Variants in GANC observed in about 807,000 individuals in gnomAD.
GANC encodes glucosidase alpha, neutral C.
GANC carries 117 observed loss-of-function variants against 124.2 expected under a neutral mutation model. That is an observed-to-expected ratio of 0.94 (90% CI 0.81 to 1.10). The LOEUF (loss-of-function observed/expected upper bound fraction) is 1.10. Ranked by LOEUF, GANC falls within the 50% of genes least tolerant of loss-of-function variation. The pLI is 0.00. For synonymous variants in GANC, 377 were observed against 376.8 expected (o/e 1.00, Z -0.01); for missense variants, 1,140 against 1,095.0 (o/e 1.04, Z -0.58).
intron 10 of GANC, among the ~76,000 whole-genome samples, chr15:42,312,029 A>G (rs1349450403): frequency 6.6e-6 from 1 of 152,218 alleles, no homozygotes; most frequent in Non-Finnish European, 1.5e-5. Context: ...AAATTAAAGA[A>G]TGCCTAAATA....
intron 13 of GANC, among the ~76,000 whole-genome samples, chr15:42,327,700 G>T (rs1474875672): frequency 6.6e-6 from 1 of 152,028 alleles, no homozygotes. Flanking sequence ...CTTTATAGCA[G>T]AGGTTTATTA....
rs138276101 is a variant in GANC, at chr15:42,282,702, T to G, written c.201+4112T>G. Among the ~76,000 whole-genome samples, 204 of 152,322 alleles carry G rather than the reference T, an allele frequency of 1.3e-3. 1 individual carries two copies. Among genetic ancestry groups the G allele is most frequent in the Middle Eastern group, 6.8e-3 (2 of 294 alleles). ...TCAATTCCCTTCCCCAATCTGCTCC[T>G]TAATAAACAACCAGGAAGCAGAACC... is the stretch of plus-strand genomic sequence containing the variant. On this transcript the variant is annotated intron_variant, in intron 3 of 23. Transcript: ENST00000318010.
chr15:42,278,399 A>G lies in GANC; in HGVS notation c.93-83A>G, dbSNP rs117401044. ...TCACTGAATATCATAGTGAATTTTA[A>G]TGACTTCCACATGATAATATAGTCT... On this transcript the variant is annotated intron_variant, in intron 2 of 23. Transcript: ENST00000318010. 5,409 of 893,432 alleles carry G rather than the reference A, an allele frequency of 6.1e-3. 21 individuals are homozygous for G. Among genetic ancestry groups the G allele is most frequent in the Non-Finnish European group, 7.9e-3 (4,483 of 570,760 alleles). 55.3% of individuals were successfully genotyped at this position (893,432 alleles called of 1,614,324 possible).
Position 42,329,422 on chromosome 15 carries a change from G to A in GANC, c.1617G>A (p.Glu539=). ...ATCATGGCAATTGGGAGCACAGAGA[G>A]CTCCACAACATCTACGGTTTTTATC... ...AIHHGNWEHR[E]LHNIYGFYHQ... The change falls in exon 14 of 24, where the codon GAG becomes GAA. Residue 539 remains glutamate (E), a synonymous_variant. Transcript: ENST00000318010. 6.2e-7 allele frequency: 1 copy of A among 1,612,916 alleles called. No homozygotes were observed. The highest frequency in any genetic ancestry group is 8.5e-7 in the Non-Finnish European group (1 of 1,179,644).
intron 6 of GANC, among the ~76,000 whole-genome samples, chr15:42,302,033 C>G (rs776998091): frequency 6.6e-6 from 1 of 152,206 alleles, no homozygotes; most frequent in South Asian, 2.1e-4. Flanking sequence ...CAAGTGGGTC[C>G]CTGACCCCCA....
At position 42,343,126 on chromosome 15, in the gene GANC, T is replaced by C. The variant is rs758902087; in HGVS notation, c.2201T>C (p.Val734Ala). 6.2e-6 allele frequency: 10 copies of C among 1,614,142 alleles called. No individual in the cohort carries two copies. Among genetic ancestry groups the C allele is most frequent in the Non-Finnish European group, 8.5e-6 (10 of 1,179,972 alleles). The change falls in exon 19 of 24, where the codon GTT (valine) becomes GCT (alanine). Residue 734 changes from valine (V) to alanine (A), a missense_variant. Val to Ala is a moderately conservative substitution (Grantham distance 64). Transcript: ENST00000318010. ...GTCACAGAACCAAAAGCCACCACAG[T>C]TGATGTGTTTCTTCCAGGATCAAAT... ...HPVTEPKATT[V>A]DVFLPGSNEV...
At chr15:42,284,773 G>A (rs1164933425) in intron 3 of GANC, among the ~76,000 whole-genome samples, 2 of 152,154 alleles carry the variant, frequency 1.3e-5, no homozygotes, top group African/African-American at 4.8e-5. Flanking sequence ...CCACTGAGTA[G>A]CTGGGGCTAT....
intron 10 of GANC, among the ~76,000 whole-genome samples, chr15:42,311,380 A>G (rs1313963973): frequency 6.6e-6 from 1 of 152,228 alleles, no homozygotes; most frequent in Non-Finnish European, 1.5e-5. Context: ...ATATGATCCT[A>G]TATATAGAAA....
intron 3 of GANC, chr15:42,281,002 G>T (rs766434014): frequency 1.4e-6 from 1 of 702,506 alleles, no homozygotes; most frequent in South Asian, 1.5e-5. Flanking sequence ...CAGGATCTCA[G>T]CACAAGACAG....
rs770900021 is a variant in GANC, at chr15:42,308,224, C to T, written c.628C>T (p.Pro210Ser). The T allele has an allele frequency of 1.9e-6, 3 of 1,600,192 alleles. No homozygotes were observed. The highest frequency in any genetic ancestry group is 1.7e-4 in the Middle Eastern group (1 of 6,028). ...ACTCAGTATCCTGGTCTCTACAGGC[C>T]CTTCTTCTATTGGTTTGGATTTCTC... is the stretch of plus-strand genomic sequence containing the variant. ...GKFVDIKANG[P>S]SSIGLDFSLH... The change falls in exon 8 of 24, where the codon CCT becomes TCT. Residue 210 changes from proline to serine, a missense_variant and splice_region_variant. Transcript: ENST00000318010.
chr15:42,278,126 A>C (rs2051694429), intron 2 of GANC: 3 of 293,696 alleles, frequency 1.0e-5, no homozygotes, highest in Non-Finnish European at 2.1e-5. Context: ...TTTAATATCC[A>C]CTAGAAATTA....
chr15:42,277,289 G>A (rs986442554), intron 2 of GANC, among the ~76,000 whole-genome samples: 1 of 152,100 alleles, frequency 6.6e-6, no homozygotes, highest in Non-Finnish European at 1.5e-5. Context: ...CCAGCACTTC[G>A]GGAGGCCAAG....
intron 10 of GANC, among the ~76,000 whole-genome samples, chr15:42,312,142 A>G (rs1420560727): frequency 3.3e-5 from 5 of 152,238 alleles, no homozygotes; most frequent in Non-Finnish European, 5.9e-5. Context: ...CAAAATTCCA[A>G]TGGCTTCTTT....
At chr15:42,333,061 G>A (rs1272497830) in intron 15 of GANC, among the ~76,000 whole-genome samples, 3 of 149,386 alleles carry the variant, frequency 2.0e-5, no homozygotes, top group African/African-American at 4.9e-5. Context: ...ACGAGCAGTG[G>A]CTCATGTCTG....
Position 42,274,017 on chromosome 15 carries a change from C to A in GANC, c.-465C>A. On this transcript the variant is annotated 5_prime_UTR_variant, in exon 1 of 24. Transcript: ENST00000318010. The stretch of plus-strand genomic sequence containing the variant: ...GCAAAGACCCGGCCGGCACTTCCCA[C>A]CCTTAACCGAAAACGGAGACAGAGA... 4.2e-6 allele frequency: 1 copy of A among 236,652 alleles called. No homozygotes were observed. The highest frequency in any genetic ancestry group is 4.7e-5 in the South Asian group (1 of 21,492). The allele number at this position is 236,652 out of a possible 1,614,324, so 14.7% of individuals were successfully genotyped here.
Position 42,274,393 on chromosome 15 carries a change from T to G in GANC, c.-89T>G. 7.1e-7 allele frequency: 1 copy of G among 1,407,394 alleles called. No homozygotes were observed. Among genetic ancestry groups the G allele is most frequent in the South Asian group, 1.2e-5 (1 of 80,248 alleles). 87.2% of individuals were successfully genotyped at this position (1,407,394 alleles called of 1,614,324 possible). A position where few individuals can be genotyped will look rare whatever the true frequency, so the allele number is the denominator to read the frequency against. On this transcript the variant is annotated 5_prime_UTR_variant, in exon 1 of 24. It adds an upstream start codon to the 5' untranslated region. Transcript: ENST00000318010. ...TTGACGATGAAGTACTGGTTGTAAT[T>G]TTAGAAAGACACCCAATCGGCTTTT...
chr15:42,297,632 G>A lies in GANC; in HGVS notation c.534G>A (p.Glu178=), dbSNP rs1332152096. The change falls in exon 6 of 24, where the codon GAG becomes GAA. Residue 178 remains glutamate, a synonymous_variant. Transcript: ENST00000318010. ...ACAGAGCTGCTAAAGAAAATGAGGA[G>A]GAGACATCAGTGGACACCTCTCAGG... The part of the protein sequence containing the change: ...HKQRAAKENE[E]ETSVDTSQEN... The A allele has an allele frequency of 1.2e-6, 2 of 1,612,118 alleles. No individual in the cohort carries two copies. The highest frequency in any genetic ancestry group is 1.7e-5 in the Admixed American group (1 of 59,902).
chr15:42,284,828 G>T (rs1342720108), intron 3 of GANC, among the ~76,000 whole-genome samples: 1 of 152,068 alleles, frequency 6.6e-6, no homozygotes, highest in Non-Finnish European at 1.5e-5. Context: ...TTCTAAGGGA[G>T]CAAAACACAT....
At position 42,273,212 on chromosome 15, in the gene GANC, C is replaced by T. The variant is rs753382605; in HGVS notation, c.-1270C>T. On this transcript the variant is annotated 5_prime_UTR_variant, in exon 1 of 24. Coordinates refer to ENST00000318010, the MANE Select transcript of GANC (RefSeq NM_198141.3). ...CCCCTTGGGCCGCCGTAGCCCCACC[C>T]CTTGCTCCTCTAGGTTCAGACGTTA... is the stretch of plus-strand genomic sequence containing the variant. The T allele has an allele frequency of 6.8e-6, 11 of 1,610,146 alleles. No individual in the cohort carries two copies. The highest frequency in any genetic ancestry group is 1.7e-4 in the Middle Eastern group (1 of 6,048).
Sources: allele counts gnomAD v4.1 joint callset (sites outside exome capture counted in the v4.1 genomes callset), GRCh38; gene constraint gnomAD v4.1.1; transcripts MANE v1.5; gene names NCBI Gene and HGNC (gene_info 2026-07-23, HGNC 2026-07-21).